WDFY4: variants seen among roughly 807,000 people sequenced by gnomAD.
The protein encoded by WDFY4 is WDFY family member 4.
A neutral mutation model predicts 351.9 loss-of-function variants in WDFY4; 169 were observed. That is an observed-to-expected ratio of 0.48 (90% CI 0.42 to 0.55). WDFY4 has a LOEUF of 0.55. Ranked by LOEUF, WDFY4 falls within the 20% of genes least tolerant of loss-of-function variation. WDFY4 has a pLI of 0.00. For missense variants in WDFY4, 3,803 were observed against 3,935.6 expected, an observed-to-expected ratio of 0.97 and a Z score of 0.90; for synonymous variants, 1,622 against 1,574.6, an observed-to-expected ratio of 1.03 and a Z score of -0.71.
rs1474873591 is a variant in WDFY4 at position 48,835,082 on chromosome 10, A to G, written c.6663+2373A>G. ...GTCTTATTCACTTGTTCATTCAACA[A>G]ATATTTATTGAGCACTTACTCTGTA... On this transcript the variant is annotated intron_variant, in intron 39 of 61. Transcript: ENST00000325239. Among the ~76,000 whole-genome samples, 4 of 152,328 alleles carry G rather than the reference A, an allele frequency of 2.6e-5. No homozygotes were observed. The South Asian group carries it at 6.2e-4, about 24-fold the overall frequency.
chr10:48,685,532 G>C (rs2063020053), intron 1 of WDFY4, among the ~76,000 whole-genome samples: 1 of 152,184 alleles, frequency 6.6e-6, no homozygotes, highest in South Asian at 2.1e-4. Context: ...ACTGGGTTCT[G>C]GTAAGTAGGT....
At chr10:48,820,664 C>T (rs751982069) in intron 33 of WDFY4, among the ~76,000 whole-genome samples, 52 of 152,090 alleles carry the variant, frequency 3.4e-4, no homozygotes, top group South Asian at 2.1e-4. Flanking sequence ...GAGTTATTGG[C>T]CAGTGGGTTG....
chr10:48,938,288 G>A (rs1456196726), intron 47 of WDFY4, among the ~76,000 whole-genome samples: 7 of 152,240 alleles, frequency 4.6e-5, no homozygotes, highest in Admixed American at 1.3e-4. Flanking sequence ...CAGGCCCTCT[G>A]TAGTTGTCTG....
intron 2 of WDFY4, among the ~76,000 whole-genome samples, chr10:48,719,087 A>G (rs2063997179): frequency 6.6e-6 from 1 of 152,246 alleles, no homozygotes; most frequent in Non-Finnish European, 1.5e-5. Context: ...AGATTGAGAA[A>G]TTTGATTTCA....
At chr10:48,861,210 A>G (rs2069330820) in intron 39 of WDFY4, among the ~76,000 whole-genome samples, 1 of 152,152 alleles carries the variant, frequency 6.6e-6, no homozygotes, top group Admixed American at 6.5e-5. Context: ...TTTTGTTTTA[A>G]CCATCACTAA....
chr10:48,981,479 G>GT lies in WDFY4; in HGVS notation c.9488+2dup. On this transcript the variant is annotated splice_donor_variant, in intron 61 of 61. Coordinates refer to ENST00000325239, the MANE Select transcript of WDFY4 (RefSeq NM_001394531.1). LOFTEE classifies it high-confidence loss of function. ...CAGTGACTGCTCTGGCCGTGTCCAG[G>GT]TAAGCGCGGCCTTGTTTCTCTGGGT... 1 of 1,551,512 alleles carries GT rather than the reference G, an allele frequency of 6.4e-7. No individual in the cohort carries two copies. The highest frequency in any genetic ancestry group is 8.7e-7 in the Non-Finnish European group (1 of 1,146,882).
intron 47 of WDFY4, among the ~76,000 whole-genome samples, chr10:48,926,821 G>A (rs1438466684): frequency 6.6e-6 from 1 of 152,158 alleles, no homozygotes; most frequent in Admixed American, 6.5e-5. Flanking sequence ...ATAATGCCAC[G>A]AGCCAGTTCA....
At chr10:48,828,597 C>T (rs1199671119) in intron 36 of WDFY4, among the ~76,000 whole-genome samples, 181 bp from the exon 37 acceptor site, 3 of 152,160 alleles carry the variant, frequency 2.0e-5, no homozygotes, top group Non-Finnish European at 4.4e-5. Context: ...CAGAATGCCA[C>T]TCTAAAATAT....
At chr10:48,964,176 TC>T in intron 54 of WDFY4, 122 bp downstream of exon 54, 1 of 1,092,466 alleles carries the variant, frequency 9.2e-7, no homozygotes, top group Admixed American at 2.1e-5. Flanking sequence ...CCCATCATCT[TC>T]CTGTGCTTTC....
chr10:48,914,117 G>T, intron 47 of WDFY4: 1 of 1,614,154 alleles, frequency 6.2e-7, no homozygotes, highest in Non-Finnish European at 8.5e-7. Flanking sequence ...CCTTGAGGGT[G>T]ATCTTCTTGC....
Position 48,786,748 on chromosome 10 carries a change from C to T in WDFY4, c.3686C>T (p.Ser1229Leu). Residue 1229 changes from serine to leucine, a missense_variant, in exon 20 of 62, where the codon TCA becomes TTA. By Grantham distance (145) the Ser-to-Leu change is moderately radical. Around this residue, in one of 3 missense-constraint regions of WDFY4, gnomAD observed 3,054 missense variants for 3,148.6 expected, o/e 0.97. Coordinates refer to ENST00000325239, the MANE Select transcript of WDFY4 (RefSeq NM_001394531.1). ...CCTCGAGTCTGGAAACAAAAGTCTT[C>T]ATTAATCTGGCGTCTTGGCCCCACA... ...ATPRVWKQKS[S>L]LIWRLGPTYL... is the part of the protein sequence containing the mutation. 1.3e-6 allele frequency: 2 copies of T among 1,552,354 alleles called. No individual in the cohort carries two copies. Among genetic ancestry groups the T allele is most frequent in the East Asian group, 4.9e-5 (2 of 40,918 alleles).
intron 12 of WDFY4, among the ~76,000 whole-genome samples, chr10:48,751,029 C>T (rs1487355582): frequency 2.0e-5 from 3 of 152,192 alleles, no homozygotes; most frequent in Non-Finnish European, 4.4e-5. Context: ...CCTGAAGACA[C>T]CTGATGTGCA....
At chr10:48,829,476 G>C (rs140826852) in intron 37 of WDFY4, among the ~76,000 whole-genome samples, 1 of 152,176 alleles carries the variant, frequency 6.6e-6, no homozygotes, top group Non-Finnish European at 1.5e-5. Context: ...TCTTGGTCTA[G>C]GAAGCAGAAG....
chr10:48,978,447 C>A lies in WDFY4; in HGVS notation c.9376+54C>A, dbSNP rs1842670778. 2.2e-5 allele frequency: 33 copies of A among 1,469,498 alleles called. No homozygotes were observed. The South Asian group carries it at 3.9e-4, about 17-fold the overall frequency. 91.0% of individuals were successfully genotyped at this position (1,469,498 alleles called of 1,614,324 possible). Reference sequence around the variant, plus strand: ...CCTGGCCTTGCCCTGCCCTCCTCACCTCCCCTCTCTCCACCTCAGCCCAAG... The same window carrying A: ...CCTGGCCTTGCCCTGCCCTCCTCACATCCCCTCTCTCCACCTCAGCCCAAG... On this transcript the variant is annotated intron_variant, in intron 60 of 61. Transcript: ENST00000325239.
intron 41 of WDFY4, among the ~76,000 whole-genome samples, 169 bp downstream of exon 41, chr10:48,873,866 G>C (rs988894324): frequency 1.3e-5 from 2 of 152,190 alleles, no homozygotes; most frequent in Non-Finnish European, 2.9e-5. Flanking sequence ...GAGGAGAAAA[G>C]CATCACTAAC....
At chr10:48,871,109 T>G (rs1470250981) in intron 40 of WDFY4, among the ~76,000 whole-genome samples, 2 of 152,120 alleles carry the variant, frequency 1.3e-5, no homozygotes, top group African/African-American at 4.8e-5. Context: ...AATTTTTTTG[T>G]ATTTTTTAGA....
intron 39 of WDFY4, among the ~76,000 whole-genome samples, chr10:48,846,782 G>A (rs2068791629): frequency 6.6e-6 from 1 of 152,218 alleles, no homozygotes; most frequent in Admixed American, 6.5e-5. Flanking sequence ...GCTGGCATGT[G>A]GTTGGGTGGC....
intron 28 of WDFY4, among the ~76,000 whole-genome samples, chr10:48,809,489 A>G (rs559700894): frequency 6.6e-6 from 1 of 151,886 alleles, no homozygotes; most frequent in East Asian, 1.9e-4. Context: ...CACCACCATC[A>G]TAACCACTAC....
At chr10:48,942,242 G>A (rs906794357) in intron 48 of WDFY4, among the ~76,000 whole-genome samples, 1 of 152,186 alleles carries the variant, frequency 6.6e-6, no homozygotes, top group Admixed American at 6.5e-5. Context: ...TGAGATTACA[G>A]GCATGAGCCA....
Sources: gnomAD v4.1 joint callset for allele counts (sites outside exome capture counted in the v4.1 genomes callset) on GRCh38, gnomAD v4.1.1 for gene constraint, gnomAD v4.1.1 regional missense constraint, MANE v1.5 for transcripts, NCBI Gene and HGNC (gene_info 2026-07-23, HGNC 2026-07-21) for gene names.